Variants in ARPC5 observed in about 807,000 individuals in gnomAD.
ARPC5 encodes actin-related protein 2/3 complex subunit 5.
In ARPC5, 5 loss-of-function variants were observed where a neutral mutation model predicts 15.4. The ratio of observed to expected loss-of-function variants is 0.32; its 90% CI spans 0.17 to 0.68. ARPC5 has a LOEUF of 0.68. Among genes scored for constraint, ARPC5 ranks in the 30% least tolerant of loss-of-function variants. ARPC5 has a pLI of 0.71. For synonymous variants in ARPC5, 85 were observed against 72.2 expected, an observed-to-expected ratio of 1.18 and a Z score of -0.90; for missense variants, 138 against 192.8, an observed-to-expected ratio of 0.72 and a Z score of 1.68.
chr1:183,635,683 G>A lies in ARPC5; in HGVS notation c.-24C>T. ...ATCCCAATCCCGACCAGCGGCAAAG[G>A]CCTCTTCTTGGCGCTGCCTCTACCT... is the stretch of plus-strand genomic sequence containing the variant. On this transcript the variant is annotated 5_prime_UTR_variant, in exon 1 of 4. Coordinates refer to ENST00000359856, the MANE Select transcript of ARPC5 (RefSeq NM_005717.4). 2.5e-6 allele frequency: 4 copies of A among 1,605,506 alleles called. No individual in the cohort carries two copies. The highest frequency in any genetic ancestry group is 3.4e-6 in the Non-Finnish European group (4 of 1,175,506).
rs1194509243 is a variant in ARPC5, at chr1:183,628,045, T to C, written c.394-451A>G. ...AAAATTAGCCGGGCGTGGTGGCGGG[T>C]GCCTGTAGTCCCAGCTACTCGGGAG... On this transcript the variant is annotated intron_variant, in intron 3 of 3. Transcript: ENST00000359856. 5.3e-5 allele frequency among the ~76,000 whole-genome samples: 8 copies of C among 151,326 alleles called. No individual in the cohort carries two copies. The East Asian group carries it at 1.4e-3, about 26-fold the overall frequency.
At chr1:183,629,746 G>T (rs911359030) in intron 3 of ARPC5, among the ~76,000 whole-genome samples, 1 of 152,092 alleles carries the variant, frequency 6.6e-6, no homozygotes, top group Non-Finnish European at 1.5e-5. Flanking sequence ...CACAAAATTT[G>T]CCATTTTAAC....
chr1:183,623,324 T>C lies in ARPC5; in HGVS notation c.*4208A>G, dbSNP rs938855297. ...AAGTAACAGAAATGATAAAGGAAAATAGAAATGTTAAAGTGAATGCTGTGT... is the reference window on the plus strand; with the variant it reads ...AAGTAACAGAAATGATAAAGGAAAACAGAAATGTTAAAGTGAATGCTGTGT... On this transcript the variant is annotated 3_prime_UTR_variant, in exon 4 of 4. Transcript: ENST00000359856. The C allele has an allele frequency of 6.8e-5, 77 of 1,135,918 alleles. No individual in the cohort carries two copies. Among genetic ancestry groups the C allele is most frequent in the Non-Finnish European group, 9.4e-5 (73 of 777,310 alleles). The allele number at this position is 1,135,918 out of a possible 1,614,324, so 70.4% of individuals were successfully genotyped here.
intron 2 of ARPC5, 175 bp from the exon 3 acceptor site, chr1:183,630,812 T>C (rs553351282): frequency 1.7e-6 from 1 of 591,078 alleles, no homozygotes; most frequent in East Asian, 2.9e-5. Flanking sequence ...GTGCTATTAG[T>C]GTGTGTTCAG....
At position 183,627,400 on chromosome 1, in the gene ARPC5, A is replaced by C. The variant is rs2101954255; in HGVS notation, c.*132T>G. ...ACTGATATGTAATTTTTTTCTTTAC[A>C]GATATGAAAAAGCAAGAAGGCAAAG... On this transcript the variant is annotated 3_prime_UTR_variant, in exon 4 of 4. Coordinates refer to ENST00000359856, the MANE Select transcript of ARPC5 (RefSeq NM_005717.4). The C allele has an allele frequency of 1.3e-6, 1 of 748,038 alleles. No homozygotes were observed. Among genetic ancestry groups the C allele is most frequent in the East Asian group, 2.5e-5 (1 of 40,456 alleles). The allele number at this position is 748,038 out of a possible 1,614,324, so 46.3% of individuals were successfully genotyped here.
Position 183,623,415 on chromosome 1 carries a change from C to T in ARPC5, c.*4117G>A. On this transcript the variant is annotated 3_prime_UTR_variant, in exon 4 of 4. Coordinates refer to ENST00000359856, the MANE Select transcript of ARPC5 (RefSeq NM_005717.4). ...GCACCACCTTGAGGCAGATGACATG[C>T]TGTACCTCTGTGGGCTTCCCGGGCC... The T allele has an allele frequency of 1.3e-6, 2 of 1,550,522 alleles. No individual in the cohort carries two copies. Among genetic ancestry groups the T allele is most frequent in the Non-Finnish European group, 1.7e-6 (2 of 1,146,930 alleles).
In ARPC5 at chr1:183,635,736, C is replaced by A; in HGVS notation, c.-77G>T. 6.5e-7 allele frequency: 1 copy of A among 1,542,674 alleles called. No individual in the cohort carries two copies. On this transcript the variant is annotated 5_prime_UTR_variant, in exon 1 of 4. Coordinates refer to ENST00000359856, the MANE Select transcript of ARPC5 (RefSeq NM_005717.4). Reference sequence around the variant, plus strand: ...GCAAGCCCAGCCCAGCAACCCACTACCCGGCGCCTGATTCACTTCCCTCTT... The same window carrying A: ...GCAAGCCCAGCCCAGCAACCCACTAACCGGCGCCTGATTCACTTCCCTCTT...
intron 1 of ARPC5, 25 bp downstream of exon 1, chr1:183,635,492 G>C (rs1419003287): frequency 6.3e-7 from 1 of 1,593,818 alleles, no homozygotes; most frequent in African/African-American, 1.3e-5. Flanking sequence ...GGCTGGGGTG[G>C]GGAGGGCGGT....
At chr1:183,628,493 A>G (rs561843377) in intron 3 of ARPC5, among the ~76,000 whole-genome samples, 45 of 152,250 alleles carry the variant, frequency 3.0e-4, no homozygotes, top group Non-Finnish European at 5.6e-4. Flanking sequence ...ATACCTTTGT[A>G]TACTGAGTAC....
intron 2 of ARPC5, 54 bp from the exon 3 acceptor site, chr1:183,630,691 T>G (rs1364061499): frequency 1.3e-6 from 2 of 1,522,618 alleles, no homozygotes; most frequent in African/African-American, 2.8e-5. Flanking sequence ...GAGGAGGGTT[T>G]AGAATTTCAG....
Position 183,623,617 on chromosome 1 carries a change from G to A in ARPC5, c.*3915C>T, listed in dbSNP as rs761073262. ...AAGGGCACTTGGTTCTACAGAGGCC[G>A]TTGGTCTGTTCCTTAATTGGGTGTG... is the stretch of plus-strand genomic sequence containing the variant. On this transcript the variant is annotated 3_prime_UTR_variant, in exon 4 of 4. Coordinates refer to ENST00000359856, the MANE Select transcript of ARPC5 (RefSeq NM_005717.4). 19 of 1,092,404 alleles carry A rather than the reference G, an allele frequency of 1.7e-5. No homozygotes were observed. The highest frequency in any genetic ancestry group is 4.2e-5 in the Admixed American group (2 of 47,392). 67.7% of individuals were successfully genotyped at this position (1,092,404 alleles called of 1,614,324 possible). A position where few individuals can be genotyped will look rare whatever the true frequency, so the allele number is the denominator to read the frequency against.
In ARPC5 at chr1:183,626,940, T is replaced by C. The variant is rs928841921; in HGVS notation, c.*592A>G. 7 of 152,624 alleles carry C rather than the reference T, an allele frequency of 4.6e-5. No individual in the cohort carries two copies. The highest frequency in any genetic ancestry group is 6.8e-3 in the Middle Eastern group (2 of 294). 9.5% of individuals were successfully genotyped at this position (152,624 alleles called of 1,614,324 possible). A position where few individuals can be genotyped will look rare whatever the true frequency, so the allele number is the denominator to read the frequency against. ...ATGATTATTGGATGCTGAGAGAAAG[T>C]AGCATACTTAAACCCACAGTACAGA... is the stretch of plus-strand genomic sequence containing the variant. On this transcript the variant is annotated 3_prime_UTR_variant, in exon 4 of 4. Transcript: ENST00000359856.
rs756336750 is a variant in ARPC5 at position 183,633,091 on chromosome 1, C to G, written c.207G>C (p.Gln69His). Residue 69 changes from glutamine to histidine, a missense_variant, in exon 2 of 4, where the codon CAG (glutamine) becomes CAC (histidine). This residue lies in a region of ARPC5 where 121 missense variants were observed against 153.7 expected (regional missense o/e 0.79). Coordinates refer to ENST00000359856, the MANE Select transcript of ARPC5 (RefSeq NM_005717.4). ...GTAGTCTGCGACTCACCTTCACTGC[C>G]TGACTCTTGGTGTTGATAGGGGGGT... is the stretch of plus-strand genomic sequence containing the variant. Reference protein sequence around the residue: ...LKNPPINTKSQAVKDRAGSIV... With the variant: ...LKNPPINTKSHAVKDRAGSIV... The G allele has an allele frequency of 3.7e-6, 6 of 1,605,142 alleles. No homozygotes were observed. In the Admixed American group the frequency reaches 6.9e-5, roughly 18 times the overall value.
chr1:183,630,494 A>G lies in ARPC5; in HGVS notation c.360T>C (p.Asn120=), dbSNP rs1483763906. Residue 120 remains asparagine, a synonymous_variant, in exon 3 of 4, where the codon AAT becomes AAC. Coordinates refer to ENST00000359856, the MANE Select transcript of ARPC5 (RefSeq NM_005717.4). The part of the protein sequence containing the change: ...IYKGFESPSD[N]SSAMLLQWHE... ...GCCATTGCAGTAACATAGCACTGCT[A>G]TTGTCAGACGGGCTCTCAAATCCTT... 7 of 1,613,640 alleles carry G rather than the reference A, an allele frequency of 4.3e-6. No homozygotes were observed. The highest frequency in any genetic ancestry group is 5.9e-6 in the Non-Finnish European group (7 of 1,179,744).
At position 183,633,073 on chromosome 1, in the gene ARPC5, G is replaced by A; in HGVS notation, c.216+9C>T. On this transcript the variant is annotated intron_variant, in intron 2 of 3. Transcript: ENST00000359856. ...AGCAGAGATCACTGTGTTGTAGTCT[G>A]CGACTCACCTTCACTGCCTGACTCT... The A allele has an allele frequency of 6.3e-7, 1 of 1,595,256 alleles. No individual in the cohort carries two copies. Among genetic ancestry groups the A allele is most frequent in the Non-Finnish European group, 8.6e-7 (1 of 1,168,830 alleles).
At position 183,627,357 on chromosome 1, in the gene ARPC5, A is replaced by T. The variant is rs972785342; in HGVS notation, c.*175T>A. On this transcript the variant is annotated 3_prime_UTR_variant, in exon 4 of 4. Transcript: ENST00000359856. The stretch of plus-strand genomic sequence containing the variant: ...AACACAATTTCTTCTATATTATCCC[A>T]ATTTTCATTAAAGGACAACTGATAT... 1 of 663,764 alleles carries T rather than the reference A, an allele frequency of 1.5e-6. No homozygotes were observed. The highest frequency in any genetic ancestry group is 2.7e-6 in the Non-Finnish European group (1 of 364,248). 41.1% of individuals were successfully genotyped at this position (663,764 alleles called of 1,614,324 possible).
chr1:183,630,537 A>C lies in ARPC5; in HGVS notation c.317T>G (p.Leu106Arg). The change falls in exon 3 of 4, where the codon CTA (leucine) becomes CGA (arginine). Residue 106 changes from leucine to arginine, a missense_variant. This residue lies in a region of ARPC5 where 121 missense variants were observed against 153.7 expected (regional missense o/e 0.79). Coordinates refer to ENST00000359856, the MANE Select transcript of ARPC5 (RefSeq NM_005717.4). ...QSLDKNGVDL[L>R]MKYIYKGFES... is the part of the protein sequence containing the mutation. ...AAATCCTTTATAAATATACTTCATT[A>C]GGAGATCCACACCATTCTTGTCCAG... is the stretch of plus-strand genomic sequence containing the variant. 1 of 1,601,756 alleles carries C rather than the reference A, an allele frequency of 6.2e-7. No homozygotes were observed. Among genetic ancestry groups the C allele is most frequent in the Non-Finnish European group, 8.5e-7 (1 of 1,174,170 alleles).
At position 183,627,576 on chromosome 1, in the gene ARPC5, C is replaced by T. The variant is rs202196300; in HGVS notation, c.412G>A (p.Val138Ile). The change falls in exon 4 of 4, where the codon GTA becomes ATA. Residue 138 changes from valine (V) to isoleucine (I), a missense_variant. By Grantham distance (29) the Val-to-Ile change is conservative (BLOSUM62 3). This residue lies in a region of ARPC5 where 121 missense variants were observed against 153.7 expected (regional missense o/e 0.79). Transcript: ENST00000359856. Reference protein sequence around the residue: ...WHEKALAAGGVGSIVRVLTAR... With the variant: ...WHEKALAAGGIGSIVRVLTAR... ...GTCAAGACACGAACAATGGACCCTA[C>T]TCCTCCAGCAGCAAGTGCCTAAAAA... 2.5e-6 allele frequency: 4 copies of T among 1,614,072 alleles called. No homozygotes were observed. The highest frequency in any genetic ancestry group is 3.4e-6 in the Non-Finnish European group (4 of 1,179,922).
At chr1:183,632,294 G>A (rs932185250) in intron 2 of ARPC5, 1 of 152,088 alleles carries the variant, frequency 6.6e-6, no homozygotes, top group Non-Finnish European at 1.5e-5. Flanking sequence ...CTGTTCTGAA[G>A]GGCAATTTGG....
Sources: gnomAD v4.1 joint callset for allele counts (sites outside exome capture counted in the v4.1 genomes callset) on GRCh38, gnomAD v4.1.1 for gene constraint, gnomAD v4.1.1 regional missense constraint, MANE v1.5 for transcripts, NCBI Gene and HGNC (gene_info 2026-07-23, HGNC 2026-07-21) for gene names.